Variants in ADAMTS17 observed in about 807,000 individuals in gnomAD.
ADAMTS17 encodes ADAM metallopeptidase with thrombospondin type 1 motif 17.
A neutral mutation model predicts 141.5 loss-of-function variants in ADAMTS17; 113 were observed. That is an observed-to-expected ratio of 0.80 (90% CI 0.69 to 0.93). The LOEUF (loss-of-function observed/expected upper bound fraction) is 0.93. ADAMTS17 is among the 40% of genes least tolerant of loss of function. The pLI, the probability that ADAMTS17 is intolerant of heterozygous loss-of-function variation, is 0.00. For synonymous variants in ADAMTS17, 768 were observed against 630.6 expected, an observed-to-expected ratio of 1.22 and a Z score of -3.27; for missense variants, 1,659 against 1,517.9, an observed-to-expected ratio of 1.09 and a Z score of -1.54.
At chr15:100,325,570 T>G (rs2045874923) in intron 3 of ADAMTS17, among the ~76,000 whole-genome samples, 1 of 152,172 alleles carries the variant, frequency 6.6e-6, no homozygotes. Flanking sequence ...CCCTCATGAA[T>G]GGCTTAGTGC....
intron 13 of ADAMTS17, among the ~76,000 whole-genome samples, chr15:100,115,438 T>C (rs2037055874): frequency 6.6e-6 from 1 of 152,072 alleles, no homozygotes. Context: ...TCCCCAAAGG[T>C]GGTGTTCTTT....
chr15:100,139,041 A>T (rs545635096), intron 10 of ADAMTS17, among the ~76,000 whole-genome samples: 10 of 152,234 alleles, frequency 6.6e-5, no homozygotes, highest in African/African-American at 2.4e-4. Flanking sequence ...GATTGGTTAT[A>T]TAACTCTGCA....
intron 18 of ADAMTS17, among the ~76,000 whole-genome samples, chr15:100,015,241 T>C (rs572389245): frequency 6.6e-6 from 1 of 152,072 alleles, no homozygotes; most frequent in East Asian, 1.9e-4. Flanking sequence ...TTTACTTTAG[T>C]TTATGTGAGT....
intron 7 of ADAMTS17, among the ~76,000 whole-genome samples, 159 bp from the exon 8 acceptor site, chr15:100,199,582 G>A (rs1354800302): frequency 1.3e-5 from 2 of 152,178 alleles, no homozygotes; most frequent in Admixed American, 6.5e-5. Flanking sequence ...TGTGTATGAT[G>A]CTTTTGTGTT....
At chr15:100,188,170 G>A (rs986057030) in intron 8 of ADAMTS17, among the ~76,000 whole-genome samples, 8 of 152,024 alleles carry the variant, frequency 5.3e-5, no homozygotes, top group East Asian at 1.9e-4. Flanking sequence ...TCCACCTCCC[G>A]GGTTTAAGGG....
chr15:100,160,393 G>C (rs1170962391), intron 8 of ADAMTS17, among the ~76,000 whole-genome samples: 2 of 152,200 alleles, frequency 1.3e-5, no homozygotes, highest in Non-Finnish European at 2.9e-5. Flanking sequence ...TTCAAACATG[G>C]ATGTTGCTTG....
In ADAMTS17 at chr15:100,007,404, C is replaced by G. The variant is rs1390336930; in HGVS notation, c.2592-9815G>C. Among the ~76,000 whole-genome samples, 6 of 147,888 alleles carry G rather than the reference C, an allele frequency of 4.1e-5. No homozygotes were observed. The East Asian group carries it at 1.2e-3, about 30-fold the overall frequency. On this transcript the variant is annotated intron_variant, in intron 18 of 21. Coordinates refer to ENST00000268070, the MANE Select transcript of ADAMTS17 (RefSeq NM_139057.4). ...GCAGTGGTGGCAAGGGGACAACATG[C>G]CTTGGTAGAAGACTTTTTTTTTTTT... is the stretch of plus-strand genomic sequence containing the variant.
At chr15:100,004,377 C>T (rs143907580) in intron 18 of ADAMTS17, among the ~76,000 whole-genome samples, 134 of 152,310 alleles carry the variant, frequency 8.8e-4, no homozygotes, top group African/African-American at 2.9e-3. Flanking sequence ...CCCCCCCTGG[C>T]TCCAGGAGCC....
intron 8 of ADAMTS17, among the ~76,000 whole-genome samples, chr15:100,188,888 C>T (rs766262653): frequency 2.8e-4 from 42 of 152,306 alleles, no homozygotes; most frequent in Non-Finnish European, 4.7e-4. Context: ...AAAGCTATCC[C>T]GAAAACACCC....
intron 15 of ADAMTS17, among the ~76,000 whole-genome samples, chr15:100,092,423 A>G (rs553524598): frequency 5.3e-4 from 80 of 152,372 alleles, no homozygotes; most frequent in African/African-American, 1.8e-3. Context: ...AACATCCAGC[A>G]TCTTACATGA....
intron 14 of ADAMTS17, among the ~76,000 whole-genome samples, chr15:100,103,518 C>A (rs2036243116): frequency 6.6e-6 from 1 of 152,120 alleles, no homozygotes; most frequent in Non-Finnish European, 1.5e-5. Context: ...GAAATGGGCT[C>A]CAGATTCCAG....
intron 18 of ADAMTS17, among the ~76,000 whole-genome samples, chr15:100,042,654 G>A (rs1004547612): frequency 6.6e-6 from 1 of 152,072 alleles, no homozygotes; most frequent in Non-Finnish European, 1.5e-5. Flanking sequence ...CAAGAACTAC[G>A]ACACCCTACA....
At chr15:100,113,902 A>G (rs550269293) in intron 13 of ADAMTS17, among the ~76,000 whole-genome samples, 4 of 152,330 alleles carry the variant, frequency 2.6e-5, no homozygotes, top group Admixed American at 2.6e-4. Flanking sequence ...GCTCTCCGAC[A>G]CTTCAGTGGG....
rs1295252471 is a variant in ADAMTS17 at position 99,993,194 on chromosome 15, C to A, written c.2803G>T (p.Ala935Ser). The A allele has an allele frequency of 6.2e-7, 1 of 1,614,062 alleles. No individual in the cohort carries two copies. The highest frequency in any genetic ancestry group is 8.5e-7 in the Non-Finnish European group (1 of 1,180,038). The stretch of plus-strand genomic sequence containing the variant: ...TTCCACACCCCTTTACCACAGCTGG[C>A]AGAGCACTGCAAGACACCATTCAAA... ...WEASEWSQCSASCGKGVWKRT... is the reference protein window; with the variant it reads ...WEASEWSQCSSSCGKGVWKRT... Residue 935 changes from alanine (A) to serine (S), a missense_variant, in exon 20 of 22, where the codon GCC becomes TCC. Physicochemically the swap from Ala to Ser is moderately conservative, Grantham distance 99. Coordinates refer to ENST00000268070, the MANE Select transcript of ADAMTS17 (RefSeq NM_139057.4). The surrounding 1 kb of genome is among the most constrained non-coding windows in gnomAD (Gnocchi z 4.3).
intron 8 of ADAMTS17, among the ~76,000 whole-genome samples, chr15:100,192,213 C>T (rs532718237): frequency 5.9e-5 from 9 of 152,292 alleles, no homozygotes; most frequent in South Asian, 4.1e-4. Context: ...CTGAGGGAAA[C>T]GTGAGAACCC....
chr15:100,252,479 G>A (rs1293049339), intron 7 of ADAMTS17, among the ~76,000 whole-genome samples: 1 of 152,234 alleles, frequency 6.6e-6, no homozygotes, highest in African/African-American at 2.4e-5. Flanking sequence ...TCTCCACGGG[G>A]CAAGCCAGGA....
At chr15:100,024,367 G>C (rs1012863763) in intron 18 of ADAMTS17, among the ~76,000 whole-genome samples, 1 of 152,178 alleles carries the variant, frequency 6.6e-6, no homozygotes, top group African/African-American at 2.4e-5. Context: ...AAGTGCTAAA[G>C]ATTAACTTTT....
intron 18 of ADAMTS17, among the ~76,000 whole-genome samples, chr15:100,029,992 A>T (rs1044221959): frequency 2.0e-5 from 3 of 152,208 alleles, no homozygotes; most frequent in African/African-American, 7.2e-5. Flanking sequence ...TGGGGATTTC[A>T]GCACAGTAGA....
chr15:100,241,215 TC>T (rs2042817970), intron 7 of ADAMTS17, among the ~76,000 whole-genome samples: 1 of 152,138 alleles, frequency 6.6e-6, no homozygotes, highest in Admixed American at 6.5e-5. Context: ...TAAATTTTCT[TC>T]CCCTACAACT....
Sources: allele counts gnomAD v4.1 joint callset (sites outside exome capture counted in the v4.1 genomes callset), GRCh38; gene constraint gnomAD v4.1.1; non-coding constraint Gnocchi (gnomAD v3.1); transcripts MANE v1.5; gene names NCBI Gene and HGNC (gene_info 2026-07-23, HGNC 2026-07-21).